Variants in GABRB1 observed in about 807,000 individuals in gnomAD.
GABRB1 encodes gamma-aminobutyric acid type A receptor subunit beta1, also known as gamma-aminobutyric acid receptor subunit beta-1.
A neutral mutation model predicts 51.6 loss-of-function variants in GABRB1; 17 were observed. The ratio of observed to expected loss-of-function variants is 0.33; its 90% CI spans 0.23 to 0.49. The LOEUF is 0.49. Among genes scored for constraint, GABRB1 ranks in the 20% least tolerant of loss-of-function variants. The pLI, the probability that GABRB1 is intolerant of heterozygous loss-of-function variation, is 0.99. For synonymous variants in GABRB1, 247 were observed against 218.9 expected (o/e 1.13, Z -1.14); for missense variants, 410 against 600.6 (o/e 0.68, Z 3.32).
chr4:47,094,031 G>A (rs1228695408), intron 3 of GABRB1, among the ~76,000 whole-genome samples: 3 of 151,612 alleles, frequency 2.0e-5, no homozygotes, highest in Admixed American at 6.6e-5. Context: ...AGTGGCTCTC[G>A]GTGTGGGCAA....
chr4:47,376,132 A>G (rs1251169701), intron 5 of GABRB1, among the ~76,000 whole-genome samples: 1 of 152,202 alleles, frequency 6.6e-6, no homozygotes, highest in African/African-American at 2.4e-5. Context: ...GAAGACTAAA[A>G]TGTTCCCAAA....
chr4:47,348,020 G>A (rs1221589829), intron 5 of GABRB1, among the ~76,000 whole-genome samples: 2 of 152,136 alleles, frequency 1.3e-5, no homozygotes, highest in Non-Finnish European at 2.9e-5. Context: ...GTTTTAAAAA[G>A]CCATCCAACA....
At chr4:47,350,837 G>T (rs987870840) in intron 5 of GABRB1, among the ~76,000 whole-genome samples, 1 of 152,038 alleles carries the variant, frequency 6.6e-6, no homozygotes, top group Non-Finnish European at 1.5e-5. Flanking sequence ...CCTGATCAAC[G>T]TGAACACTTA....
chr4:47,069,597 G>C (rs192372241), intron 3 of GABRB1, among the ~76,000 whole-genome samples: 1 of 152,092 alleles, frequency 6.6e-6, no homozygotes, highest in Non-Finnish European at 1.5e-5. Context: ...ACTCTCTCCA[G>C]CCACACCTCT....
At chr4:47,398,575 G>C (rs1163400097) in intron 5 of GABRB1, among the ~76,000 whole-genome samples, 3 of 152,074 alleles carry the variant, frequency 2.0e-5, no homozygotes, top group Non-Finnish European at 4.4e-5. Flanking sequence ...GAGAGAGAGA[G>C]AGACAGAGAG....
intron 4 of GABRB1, among the ~76,000 whole-genome samples, chr4:47,297,533 A>G (rs569262898): frequency 1.3e-5 from 2 of 152,208 alleles, no homozygotes; most frequent in African/African-American, 4.8e-5. Context: ...TCCTCGACAC[A>G]TACACCCTCC....
chr4:47,283,243 T>C (rs1241568355), intron 4 of GABRB1, among the ~76,000 whole-genome samples: 1 of 151,786 alleles, frequency 6.6e-6, no homozygotes, highest in Non-Finnish European at 1.5e-5. Flanking sequence ...CAATTGAGGA[T>C]TCTGTTTCAA....
rs559549844 is a variant in GABRB1 at position 47,199,599 on chromosome 4, G to A, written c.461+38130G>A. Among the ~76,000 whole-genome samples the A allele has an allele frequency of 3.9e-5, 6 of 152,256 alleles. No individual in the cohort carries two copies. The East Asian group carries it at 1.2e-3, about 29-fold the overall frequency. ...AGAGGACAAAATGAAAGAAGGGAAG[G>A]GTGACTCTGAGCGGGGAGCCTTGGG... On this transcript the variant is annotated intron_variant, in intron 4 of 8. Coordinates refer to ENST00000295454, the MANE Select transcript of GABRB1 (RefSeq NM_000812.4).
chr4:47,108,772 T>C (rs1485585917), intron 3 of GABRB1, among the ~76,000 whole-genome samples: 1 of 152,066 alleles, frequency 6.6e-6, no homozygotes, highest in African/African-American at 2.4e-5. Flanking sequence ...ACACTGTTCC[T>C]TTTTGACAAA....
intron 5 of GABRB1, among the ~76,000 whole-genome samples, chr4:47,328,672 A>T (rs976129439): frequency 8.5e-5 from 13 of 152,162 alleles, no homozygotes; most frequent in Non-Finnish European, 2.9e-5. Flanking sequence ...CAAGGACGAA[A>T]AACCAAACAC....
At chr4:47,383,605 A>T (rs1351242811) in intron 5 of GABRB1, among the ~76,000 whole-genome samples, 1 of 152,224 alleles carries the variant, frequency 6.6e-6, no homozygotes, top group Non-Finnish European at 1.5e-5. Flanking sequence ...TTGTAAAATC[A>T]TAACTGAGAG....
chr4:47,321,262 A>C (rs1725074162), intron 5 of GABRB1, among the ~76,000 whole-genome samples: 1 of 152,214 alleles, frequency 6.6e-6, no homozygotes, highest in South Asian at 2.1e-4. Context: ...AAAGTAAAGG[A>C]AAATGGAAAA....
At chr4:47,192,607 A>G (rs1560578887) in intron 4 of GABRB1, among the ~76,000 whole-genome samples, 2 of 152,310 alleles carry the variant, frequency 1.3e-5, no homozygotes, top group East Asian at 3.9e-4. Context: ...AAATGTGTTA[A>G]GTCTCTACCT....
intron 3 of GABRB1, among the ~76,000 whole-genome samples, chr4:47,147,773 T>C (rs1717238909): frequency 6.6e-6 from 1 of 152,008 alleles, no homozygotes; most frequent in Non-Finnish European, 1.5e-5. Context: ...ACCAAGAAGA[T>C]TTTATAGCAA....
At chr4:47,035,994 C>T (rs571182651) in intron 3 of GABRB1, among the ~76,000 whole-genome samples, 1 of 152,220 alleles carries the variant, frequency 6.6e-6, no homozygotes, top group Admixed American at 6.5e-5. Flanking sequence ...TCCAAATGGC[C>T]ACCCCTAGAA....
In GABRB1 at chr4:47,156,474, C is replaced by A. The variant is rs116449473; in HGVS notation, c.241-4775C>A. The stretch of plus-strand genomic sequence containing the variant: ...TCTACTCACAGATGCTAGTAGCACA[C>A]CACTAATCTCACTGGTGACAACCAA... On this transcript the variant is annotated intron_variant, in intron 3 of 8. Coordinates refer to ENST00000295454, the MANE Select transcript of GABRB1 (RefSeq NM_000812.4). Among the ~76,000 whole-genome samples the A allele has an allele frequency of 5.0e-3, 761 of 152,072 alleles. 1 individual carries two copies. The highest frequency in any genetic ancestry group is 8.1e-3 in the Non-Finnish European group (552 of 67,968).
upstream of GABRB1, among the ~76,000 whole-genome samples, chr4:47,028,765 C>T (rs1345098960): frequency 6.7e-6 from 1 of 149,414 alleles, no homozygotes; most frequent in Non-Finnish European, 1.5e-5. Flanking sequence ...CACCCCGACA[C>T]ATACATATAC....
chr4:47,051,732 A>C (rs1726356539), intron 3 of GABRB1, among the ~76,000 whole-genome samples: 1 of 152,220 alleles, frequency 6.6e-6, no homozygotes, highest in African/African-American at 2.4e-5. Flanking sequence ...GATATTCACA[A>C]AAATCCCAGG....
At chr4:47,031,525 G>A, upstream of GABRB1, 4 of 726,336 alleles carry the variant, frequency 5.5e-6, no homozygotes, top group South Asian at 4.9e-5. Flanking sequence ...AAGGCACAAG[G>A]TGTCTTTTGG....
Sources: allele counts gnomAD v4.1 joint callset (sites outside exome capture counted in the v4.1 genomes callset), GRCh38; gene constraint gnomAD v4.1.1; transcripts MANE v1.5; gene names NCBI Gene and HGNC (gene_info 2026-07-23, HGNC 2026-07-21).